Variants in GRID2 observed in about 807,000 individuals in gnomAD.
GRID2 encodes glutamate ionotropic receptor delta type subunit 2.
GRID2 carries 33 observed loss-of-function variants against 114.8 expected under a neutral mutation model. The observed-to-expected ratio is 0.29, with a 90% CI of 0.22 to 0.38. GRID2 has a LOEUF of 0.38. Ranked by LOEUF, GRID2 falls within the 10% of genes least tolerant of loss-of-function variation. The pLI is 1.00. For synonymous variants in GRID2, 505 were observed against 449.9 expected (o/e 1.12, Z -1.55); for missense variants, 1,184 against 1,257.7 (o/e 0.94, Z 0.89).
At chr4:93,680,730 C>A (rs1012441222) in intron 14 of GRID2, among the ~76,000 whole-genome samples, 2 of 151,050 alleles carry the variant, frequency 1.3e-5, no homozygotes, top group Non-Finnish European at 2.9e-5. Context: ...ATTCAACAAC[C>A]CTTCATGCTA....
intron 2 of GRID2, among the ~76,000 whole-genome samples, chr4:92,610,107 C>A (rs1729647419): frequency 6.6e-6 from 1 of 151,634 alleles, no homozygotes; most frequent in Non-Finnish European, 1.5e-5. Flanking sequence ...TACAGAGGGC[C>A]AATGGAATGT....
chr4:92,713,495 A>ATATATG (rs1735373591), intron 2 of GRID2, among the ~76,000 whole-genome samples: 1 of 126,754 alleles, frequency 7.9e-6, no homozygotes, highest in Admixed American at 7.6e-5. Context: ...ATATATATAT[A>ATATATG]TATATATATA....
intron 2 of GRID2, among the ~76,000 whole-genome samples, chr4:92,770,744 GA>G (rs1738501265): frequency 6.6e-6 from 1 of 152,008 alleles, no homozygotes; most frequent in Non-Finnish European, 1.5e-5. Flanking sequence ...AAAAGCGCGG[GA>G]AAGACCCACC....
At chr4:93,694,267 G>A (rs967473187) in intron 14 of GRID2, among the ~76,000 whole-genome samples, 1 of 151,988 alleles carries the variant, frequency 6.6e-6, no homozygotes, top group African/African-American at 2.4e-5. Context: ...CTGCCCTATT[G>A]CCTGGCCATG....
At chr4:93,057,792 T>A (rs991122099) in intron 2 of GRID2, among the ~76,000 whole-genome samples, 3 of 151,972 alleles carry the variant, frequency 2.0e-5, no homozygotes, top group Non-Finnish European at 4.4e-5. Context: ...AGAATTCTTA[T>A]CTGCATTTAA....
chr4:93,121,755 GA>G (rs1195532712), intron 4 of GRID2, among the ~76,000 whole-genome samples: 2 of 152,140 alleles, frequency 1.3e-5, no homozygotes, highest in African/African-American at 4.8e-5. Flanking sequence ...TTTACTATTT[GA>G]AGTAGTAACT....
At chr4:93,535,769 T>G (rs1382594209) in intron 13 of GRID2, among the ~76,000 whole-genome samples, 1 of 152,056 alleles carries the variant, frequency 6.6e-6, no homozygotes, top group Non-Finnish European at 1.5e-5. Context: ...ATTTAGTTGT[T>G]TGAGTTCCTT....
chr4:93,301,547 A>G (rs768102173), intron 8 of GRID2, among the ~76,000 whole-genome samples: 5 of 152,160 alleles, frequency 3.3e-5, no homozygotes, highest in Non-Finnish European at 5.9e-5. Context: ...ACAGATGTTA[A>G]TGATGATAAT....
intron 2 of GRID2, among the ~76,000 whole-genome samples, chr4:92,866,736 T>C (rs1744896806): frequency 6.6e-6 from 1 of 151,642 alleles, no homozygotes; most frequent in Non-Finnish European, 1.5e-5. Context: ...TACTTTTTAA[T>C]AGAGACGGTT....
At chr4:93,383,244 A>G (rs1170257424) in intron 8 of GRID2, among the ~76,000 whole-genome samples, 1 of 152,108 alleles carries the variant, frequency 6.6e-6, no homozygotes, top group Non-Finnish European at 1.5e-5. Flanking sequence ...CTTCGTCTAC[A>G]AGTCCGTGAT....
chr4:93,145,657 T>TTC (rs1221776919), intron 4 of GRID2, among the ~76,000 whole-genome samples: 2 of 129,008 alleles, frequency 1.6e-5, no homozygotes, highest in Non-Finnish European at 3.3e-5. Context: ...TTTTTTTTTT[T>TTC]TTTTTTTTTT....
intron 2 of GRID2, among the ~76,000 whole-genome samples, chr4:92,764,298 C>T (rs1738157352): frequency 6.6e-6 from 1 of 152,118 alleles, no homozygotes. Context: ...TTGAAGCAGT[C>T]CTCTTACTGA....
At chr4:93,626,188 T>C (rs1742713580) in intron 13 of GRID2, 81 bp from the exon 14 acceptor site, 3 of 688,400 alleles carry the variant, frequency 4.4e-6, no homozygotes, top group Non-Finnish European at 7.6e-6. Context: ...TATACCAATG[T>C]AATGTTTTTC....
intron 2 of GRID2, among the ~76,000 whole-genome samples, chr4:92,875,214 G>GC (rs1314788102): frequency 7.1e-6 from 1 of 139,910 alleles, no homozygotes; most frequent in Non-Finnish European, 1.5e-5. Flanking sequence ...CGGGTTTGGA[G>GC]CGCAATGGCG....
intron 13 of GRID2, among the ~76,000 whole-genome samples, chr4:93,584,630 G>T (rs1029213546): frequency 6.6e-6 from 1 of 151,970 alleles, no homozygotes; most frequent in Admixed American, 6.6e-5. Flanking sequence ...CATTAGAAAT[G>T]GAATTTAACA....
intron 4 of GRID2, among the ~76,000 whole-genome samples, chr4:93,135,972 T>G (rs1032799243): frequency 2.6e-5 from 4 of 152,236 alleles, no homozygotes; most frequent in Non-Finnish European, 2.9e-5. Context: ...TTTATCCATT[T>G]TGTAAAAATT....
At chr4:93,222,815 A>G (rs982398663) in intron 6 of GRID2, among the ~76,000 whole-genome samples, 9 of 152,132 alleles carry the variant, frequency 5.9e-5, no homozygotes, top group Non-Finnish European at 1.3e-4. Context: ...TTATGGCTAC[A>G]TAATATTCCA....
At chr4:92,824,713 G>A (rs928838643) in intron 2 of GRID2, among the ~76,000 whole-genome samples, 1 of 151,996 alleles carries the variant, frequency 6.6e-6, no homozygotes, top group African/African-American at 2.4e-5. Flanking sequence ...TTGCTGATAT[G>A]TCTACTCATA....
intron 2 of GRID2, among the ~76,000 whole-genome samples, chr4:92,637,774 T>G (rs1256500072): frequency 6.6e-6 from 1 of 151,948 alleles, no homozygotes; most frequent in African/African-American, 2.4e-5. Flanking sequence ...CTAACATTAG[T>G]AGAAAGAATT....
Sources: gnomAD v4.1 joint callset for allele counts (sites outside exome capture counted in the v4.1 genomes callset) on GRCh38, gnomAD v4.1.1 for gene constraint, MANE v1.5 for transcripts, NCBI Gene and HGNC (gene_info 2026-07-23, HGNC 2026-07-21) for gene names.